The following UGT1A8 variants were observed in gnomAD, a reference collection of about 807,000 sequenced individuals.
UGT1A8 encodes UDP glucuronosyltransferase family 1 member A8.
Under a neutral mutation model 45.3 loss-of-function variants are expected in UGT1A8, and 39 were observed. The ratio of observed to expected loss-of-function variants is 0.86; its 90% CI spans 0.67 to 1.12. The LOEUF is 1.12. UGT1A8 is among the 50% of genes most tolerant of loss of function. The pLI, the probability that UGT1A8 is intolerant of heterozygous loss-of-function variation, is 0.00. For missense variants in UGT1A8, 719 were observed against 664.9 expected, an observed-to-expected ratio of 1.08 and a Z score of -0.90; for synonymous variants, 275 against 249.2, an observed-to-expected ratio of 1.10 and a Z score of -0.97.
In UGT1A8 at chr2:233,677,905, A is replaced by G. The variant is rs151269635; in HGVS notation, c.855+59343A>G. On this transcript the variant is annotated intron_variant, in intron 1 of 4. Coordinates refer to ENST00000373450, the MANE Select transcript of UGT1A8 (RefSeq NM_019076.5). ...TGCAGCTCTATTCAGAATAGAAAAG[A>G]CATGAAATCAACCTAGGTGCCCGTC... 8.3e-3 allele frequency among the ~76,000 whole-genome samples: 1,260 copies of G among 151,052 alleles called. 1 individual carries two copies. Among genetic ancestry groups the G allele is most frequent in the Admixed American group, 0.013 (202 of 15,102 alleles).
chr2:233,708,677 G>C (rs1252536651), intron 1 of UGT1A8: 1 of 152,186 alleles, frequency 6.6e-6, no homozygotes, highest in African/African-American at 2.4e-5. Context: ...TTTGAGCCCA[G>C]GAGTTCAAGG....
Position 233,772,646 on chromosome 2 carries a change from A to G in UGT1A8, c.*87A>G. The G allele has an allele frequency of 6.5e-7, 1 of 1,549,870 alleles. No individual in the cohort carries two copies. ...ACAGAATCAGTGTTAAATTCATTTTATTCTTATTAAGGAAATACTTTGCAT... is the reference window on the plus strand; with the variant it reads ...ACAGAATCAGTGTTAAATTCATTTTGTTCTTATTAAGGAAATACTTTGCAT... On this transcript the variant is annotated 3_prime_UTR_variant, in exon 5 of 5. Transcript: ENST00000373450.
chr2:233,733,189 C>T (rs2078364598), intron 1 of UGT1A8, among the ~76,000 whole-genome samples: 1 of 152,198 alleles, frequency 6.6e-6, no homozygotes, highest in African/African-American at 2.4e-5. Context: ...AGTTGCTTAT[C>T]AGCTTAAGGA....
intron 1 of UGT1A8, among the ~76,000 whole-genome samples, chr2:233,676,496 A>C (rs1032547787): frequency 6.6e-6 from 1 of 152,214 alleles, no homozygotes; most frequent in Non-Finnish European, 1.5e-5. Context: ...TGATGAGCTA[A>C]AAGCTAAAGT....
intron 1 of UGT1A8, among the ~76,000 whole-genome samples, chr2:233,749,248 A>AT (rs1216234192): frequency 2.0e-5 from 3 of 151,926 alleles, no homozygotes; most frequent in East Asian, 1.9e-4. Flanking sequence ...AAACCACATG[A>AT]TTTTTTTATT....
intron 1 of UGT1A8, among the ~76,000 whole-genome samples, chr2:233,740,447 G>A (rs1691391497): frequency 6.6e-6 from 1 of 151,994 alleles, no homozygotes; most frequent in African/African-American, 2.4e-5. Context: ...GGAATCAGAG[G>A]AGAAGAAGAT....
At chr2:233,676,636 C>CT (rs1306474758) in intron 1 of UGT1A8, among the ~76,000 whole-genome samples, 2 of 152,186 alleles carry the variant, frequency 1.3e-5, no homozygotes, top group African/African-American at 2.4e-5. Flanking sequence ...TTCTCAGACT[C>CT]TCCTTGTTTT....
chr2:233,759,153 G>C (rs1244080154), intron 1 of UGT1A8, among the ~76,000 whole-genome samples: 1 of 152,246 alleles, frequency 6.6e-6, no homozygotes, highest in African/African-American at 2.4e-5. Flanking sequence ...GAGTTCCACA[G>C]AACACAAGGC....
At chr2:233,692,429 G>A (rs1575447232) in intron 1 of UGT1A8, 1 of 155,914 alleles carries the variant, frequency 6.4e-6, no homozygotes, top group East Asian at 1.9e-4. Flanking sequence ...TCAGACAGAA[G>A]TTGTGGGTAA....
rs191789950 is a variant in UGT1A8 at position 233,713,517 on chromosome 2, A to T, written c.856-53517A>T. 5 of 1,613,958 alleles carry T rather than the reference A, an allele frequency of 3.1e-6. No homozygotes were observed. In the East Asian group the frequency reaches 1.1e-4, roughly 36 times the overall value. On this transcript the variant is annotated intron_variant, in intron 1 of 4. Transcript: ENST00000373450. ...TCCTGCTGTGTTTTTCTTGAGGAAC[A>T]TTCCATGTGATTTAGACTTTAAGGG... is the stretch of plus-strand genomic sequence containing the variant.
chr2:233,715,350 G>A (rs756045317), intron 1 of UGT1A8, among the ~76,000 whole-genome samples: 3 of 151,318 alleles, frequency 2.0e-5, no homozygotes, highest in Non-Finnish European at 4.4e-5. Context: ...GTAGGTTTGA[G>A]GTTTGAGACT....
At chr2:233,687,333 A>C (rs956341340) in intron 1 of UGT1A8, among the ~76,000 whole-genome samples, 11 of 152,196 alleles carry the variant, frequency 7.2e-5, no homozygotes, top group Non-Finnish European at 1.5e-4. Context: ...TTTCCCTTGA[A>C]TGATTTAAAC....
intron 1 of UGT1A8, among the ~76,000 whole-genome samples, chr2:233,751,459 G>C (rs1297643220): frequency 6.6e-6 from 1 of 152,208 alleles, no homozygotes; most frequent in Non-Finnish European, 1.5e-5. Context: ...TTGTTGGGAA[G>C]GCACGATTGG....
chr2:233,648,328 G>T, intron 1 of UGT1A8: 2 of 508,728 alleles, frequency 3.9e-6, no homozygotes, highest in South Asian at 1.9e-5. Context: ...CCTCCTCTCG[G>T]TGGTCTTCGC....
intron 1 of UGT1A8, among the ~76,000 whole-genome samples, chr2:233,710,119 C>A (rs1015983939): frequency 1.3e-5 from 2 of 152,178 alleles, no homozygotes; most frequent in Non-Finnish European, 1.5e-5. Flanking sequence ...GTTTCTATTT[C>A]CGAGTAGCAT....
chr2:233,768,157 G>GGTGTGTCC lies in UGT1A8; in HGVS notation c.1076-63_1076-62insGTGTGTCC, dbSNP rs1279074414. 1.9e-6 allele frequency: 3 copies of GGTGTGTCC among 1,612,962 alleles called. No homozygotes were observed. The African/African-American group carries it at 4.0e-5, about 22-fold the overall frequency. On this transcript the variant is annotated intron_variant, in intron 3 of 4. Transcript: ENST00000373450. ...GTCTTTGGAGTGTTTTCAGAACCTA[G>GGTGTGTCC]ATGTGTCCAGCTGTGAAACTCAGAG...
intron 1 of UGT1A8, among the ~76,000 whole-genome samples, chr2:233,749,359 C>G (rs189942106): frequency 6.6e-6 from 1 of 151,920 alleles, no homozygotes; most frequent in East Asian, 1.9e-4. Flanking sequence ...TAAATAGTGA[C>G]TCTTGCCCTT....
At chr2:233,761,033 G>T (rs774774935) in intron 1 of UGT1A8, 1 of 1,614,186 alleles carries the variant, frequency 6.2e-7, no homozygotes, top group South Asian at 1.1e-5. Context: ...GACCTATTGA[G>T]CTCTGCATCT....
At chr2:233,705,348 T>G (rs1375360519) in intron 1 of UGT1A8, among the ~76,000 whole-genome samples, 1 of 152,240 alleles carries the variant, frequency 6.6e-6, no homozygotes, top group Non-Finnish European at 1.5e-5. Context: ...TTTTGTCTTA[T>G]TACATGGGGT....
Sources: allele counts gnomAD v4.1 joint callset (sites outside exome capture counted in the v4.1 genomes callset), GRCh38; gene constraint gnomAD v4.1.1; transcripts MANE v1.5; gene names NCBI Gene and HGNC (gene_info 2026-07-23, HGNC 2026-07-21).